The following APELA variants were observed in gnomAD, a reference collection of about 807,000 sequenced individuals.
APELA encodes the protein apelin receptor early endogenous ligand.
At chr4:164,877,578 T>A (rs543518973) in intron 1 of APELA, among the ~76,000 whole-genome samples, 171 bp downstream of exon 1, 5 of 152,194 alleles carry the variant, frequency 3.3e-5, no homozygotes, top group South Asian at 2.1e-4. Context: ...TTGGGTCTAT[T>A]ATTTCAATAT....
At chr4:164,892,024 T>C (rs996952693) in intron 2 of APELA, among the ~76,000 whole-genome samples, 2 of 152,122 alleles carry the variant, frequency 1.3e-5, no homozygotes, top group African/African-American at 4.8e-5. Flanking sequence ...TAAATTATCA[T>C]GTGTGGCCAG....
downstream of APELA, among the ~76,000 whole-genome samples, chr4:164,898,041 C>T (rs759150154): frequency 3.9e-5 from 6 of 152,054 alleles, no homozygotes; most frequent in Non-Finnish European, 7.4e-5. Flanking sequence ...CAGGCACCCA[C>T]CACCATGTCC....
rs1730991477 is a variant in APELA, at chr4:164,897,071, T to C, written c.*1657T>C. On this transcript the variant is annotated 3_prime_UTR_variant, in exon 3 of 3. Transcript: ENST00000507152. Reference sequence around the variant, plus strand: ...CTGGGATTACAGGCATGTGCCACCATGCTGGGCCACAAGTTCATATCTGGA... The same window carrying C: ...CTGGGATTACAGGCATGTGCCACCACGCTGGGCCACAAGTTCATATCTGGA... The C allele has an allele frequency of 6.6e-6, 1 of 152,216 alleles. No individual in the cohort carries two copies. Among genetic ancestry groups the C allele is most frequent in the Admixed American group, 6.5e-5 (1 of 15,272 alleles). 9.4% of individuals were successfully genotyped at this position (152,216 alleles called of 1,614,324 possible).
intron 2 of APELA, among the ~76,000 whole-genome samples, chr4:164,893,835 TG>T (rs1730923365): frequency 6.6e-6 from 1 of 152,144 alleles, no homozygotes. Context: ...ATTATTTATA[TG>T]GTTGAACTTA....
chr4:164,884,102 A>G (rs1003410534), intron 2 of APELA, among the ~76,000 whole-genome samples: 6 of 49,220 alleles, frequency 1.2e-4, no homozygotes, highest in African/African-American at 3.5e-4. Flanking sequence ...AGAAAGAAAG[A>G]ATGAAAGAAA....
rs1219123618 is a variant in APELA at position 164,896,450 on chromosome 4, T to TA, written c.*1039dup. On this transcript the variant is annotated 3_prime_UTR_variant, in exon 3 of 3. Coordinates refer to ENST00000507152, the MANE Select transcript of APELA (RefSeq NM_001297550.2). ...GGATAATTTCTTTAAAAGTCTTACT[T>TA]AAAGTTGACATCTAAAATACAGTTA... 6.6e-6 allele frequency: 1 copy of TA among 152,182 alleles called. No individual in the cohort carries two copies. Among genetic ancestry groups the TA allele is most frequent in the Admixed American group, 6.5e-5 (1 of 15,284 alleles). The allele number at this position is 152,182 out of a possible 1,614,324, so 9.4% of individuals were successfully genotyped here. A position where few individuals can be genotyped will look rare whatever the true frequency, so the allele number is the denominator to read the frequency against.
At position 164,895,726 on chromosome 4, in the gene APELA, G is replaced by C. The variant is rs1265195375; in HGVS notation, c.*312G>C. 1 of 152,110 alleles carries C rather than the reference G, an allele frequency of 6.6e-6. No individual in the cohort carries two copies. Among genetic ancestry groups the C allele is most frequent in the Admixed American group, 6.5e-5 (1 of 15,268 alleles). The allele number at this position is 152,110 out of a possible 1,614,324, so 9.4% of individuals were successfully genotyped here. ...TTATTATTCTTTTATGGGTTAAAAA[G>C]AAAAATACCTTTTAGTGTTTTAGAA... On this transcript the variant is annotated 3_prime_UTR_variant, in exon 3 of 3. Transcript: ENST00000507152.
chr4:164,883,234 A>G (rs1232217457), intron 2 of APELA, among the ~76,000 whole-genome samples: 3 of 152,128 alleles, frequency 2.0e-5, no homozygotes, highest in Non-Finnish European at 2.9e-5. Flanking sequence ...GGAGCACTTC[A>G]TCTCCAACTT....
intron 2 of APELA, among the ~76,000 whole-genome samples, chr4:164,890,847 C>T (rs1730868672): frequency 1.3e-5 from 2 of 152,310 alleles, no homozygotes; most frequent in South Asian, 4.1e-4. Flanking sequence ...CATCATTTCA[C>T]ATTCCCACCA....
chr4:164,880,598 C>A (rs1209491474), intron 2 of APELA, among the ~76,000 whole-genome samples: 12 of 152,030 alleles, frequency 7.9e-5, no homozygotes, highest in South Asian at 2.1e-4. Context: ...ATAGAGACAC[C>A]CCAGATTTTT....
intron 2 of APELA, among the ~76,000 whole-genome samples, chr4:164,889,193 G>T (rs1208946695): frequency 6.6e-6 from 1 of 152,068 alleles, no homozygotes. Context: ...GTGGGGATGA[G>T]GGTGGGGGAT....
At chr4:164,884,057 CAG>C (rs1333103700) in intron 2 of APELA, among the ~76,000 whole-genome samples, 1 of 125,176 alleles carries the variant, frequency 8.0e-6, no homozygotes, top group African/African-American at 3.0e-5. Flanking sequence ...AAGAAAGAAA[CAG>C]GGAAAGAAGG....
intron 2 of APELA, among the ~76,000 whole-genome samples, chr4:164,880,736 C>T (rs948606581): frequency 2.6e-5 from 4 of 152,278 alleles, no homozygotes; most frequent in Middle Eastern, 3.4e-3. Flanking sequence ...ACATATTATC[C>T]TCAAATCACA....
chr4:164,893,683 AATCT>A (rs1730920981), intron 2 of APELA, among the ~76,000 whole-genome samples: 1 of 152,046 alleles, frequency 6.6e-6, no homozygotes, highest in Admixed American at 6.6e-5. Context: ...TTTGACTTTC[AATCT>A]ATTTTTGGCT....
chr4:164,887,034 G>A (rs1329735678), intron 2 of APELA, among the ~76,000 whole-genome samples: 1 of 151,930 alleles, frequency 6.6e-6, no homozygotes. Context: ...CACCATGTTG[G>A]CCAAGCGGGT....
chr4:164,895,369 T>C (rs934266006), intron 2 of APELA, 47 bp from the exon 3 acceptor site: 2 of 152,128 alleles, frequency 1.3e-5, no homozygotes, highest in Non-Finnish European at 2.9e-5. Flanking sequence ...GTGTGCTGGA[T>C]AGTATTTCTT....
chr4:164,889,352 A>T (rs1730837445), intron 2 of APELA, among the ~76,000 whole-genome samples: 1 of 152,186 alleles, frequency 6.6e-6, no homozygotes, highest in South Asian at 2.1e-4. Flanking sequence ...TAAATATGAC[A>T]TATATACACA....
intron 2 of APELA, among the ~76,000 whole-genome samples, chr4:164,884,887 G>A (rs903686368): frequency 4.6e-5 from 7 of 151,808 alleles, no homozygotes; most frequent in Admixed American, 1.3e-4. Context: ...TCATCCTTTA[G>A]GAAACCTTCT....
chr4:164,880,859 A>G (rs1285887457), intron 2 of APELA, among the ~76,000 whole-genome samples: 1 of 152,226 alleles, frequency 6.6e-6, no homozygotes, highest in Non-Finnish European at 1.5e-5. Context: ...AAATTTAATT[A>G]AAGCTATGCA....
Sources: gnomAD v4.1 joint callset for allele counts (sites outside exome capture counted in the v4.1 genomes callset) on GRCh38, gnomAD v4.1.1 for gene constraint, MANE v1.5 for transcripts, NCBI Gene and HGNC (gene_info 2026-07-23, HGNC 2026-07-21) for gene names.